The following ITGA1 variants were observed in gnomAD, a reference collection of about 807,000 sequenced individuals.
The protein encoded by ITGA1 is integrin alpha-1.
Under a neutral mutation model 145.9 loss-of-function variants are expected in ITGA1, and 85 were observed. The observed-to-expected ratio is 0.58, with a 90% CI of 0.49 to 0.70. ITGA1 has a LOEUF of 0.70. Among genes scored for constraint, ITGA1 ranks in the 30% least tolerant of loss-of-function variants. ITGA1 has a pLI of 0.00. For missense variants in ITGA1, 1,351 were observed against 1,418.7 expected, an observed-to-expected ratio of 0.95 and a Z score of 0.77; for synonymous variants, 520 against 495.3, an observed-to-expected ratio of 1.05 and a Z score of -0.66.
At chr5:52,915,712 T>C (rs1750635912) in intron 15 of ITGA1, 118 bp downstream of exon 15, 1 of 1,249,090 alleles carries the variant, frequency 8.0e-7, no homozygotes, top group Non-Finnish European at 1.1e-6. Flanking sequence ...ACTATGCAAA[T>C]ACAAGTTATT....
In ITGA1 at chr5:52,958,290, T is replaced by A. The variant is rs1411820069; in HGVS notation, c.*5839T>A. ...AAACTATTTCTCTTTTATGTCTACA[T>A]CCTTACTCCTCAAAATACTTTAAGC... On this transcript the variant is annotated 3_prime_UTR_variant, in exon 29 of 29. Coordinates refer to ENST00000282588, the MANE Select transcript of ITGA1 (RefSeq NM_181501.2). 6.6e-6 allele frequency: 1 copy of A among 152,146 alleles called. No homozygotes were observed. Among genetic ancestry groups the A allele is most frequent in the African/African-American group, 2.4e-5 (1 of 41,408 alleles). 9.4% of individuals were successfully genotyped at this position (152,146 alleles called of 1,614,324 possible).
rs2111631899 is a variant in ITGA1, at chr5:52,788,120, G to A, written c.-234G>A. 4.6e-6 allele frequency: 2 copies of A among 431,884 alleles called. No individual in the cohort carries two copies. The highest frequency in any genetic ancestry group is 3.7e-5 in the East Asian group (1 of 27,246). 26.8% of individuals were successfully genotyped at this position (431,884 alleles called of 1,614,324 possible). A position where few individuals can be genotyped will look rare whatever the true frequency, so the allele number is the denominator to read the frequency against. ...GATTTCAGAGACCAAGAGCGCGAAG[G>A]GGCGGGCGATGTGGCAATCCGTCTG... On this transcript the variant is annotated 5_prime_UTR_variant, in exon 1 of 29. Transcript: ENST00000282588.
intron 26 of ITGA1, 75 bp from the exon 27 acceptor site, chr5:52,944,868 T>C (rs1751110001): frequency 3.1e-6 from 3 of 970,564 alleles, no homozygotes; most frequent in South Asian, 3.0e-5. Flanking sequence ...CTTTTATAAA[T>C]GTCCTACTCA....
chr5:52,915,597 A>G lies in ITGA1; in HGVS notation c.1988+3A>G, dbSNP rs1027275248. On this transcript the variant is annotated splice_donor_region_variant and intron_variant, in intron 15 of 28. Coordinates refer to ENST00000282588, the MANE Select transcript of ITGA1 (RefSeq NM_181501.2). Reference sequence around the variant, plus strand: ...CTTGGTGGTGCTGCCCTCTTCTGGTATGTATTTTAATAACATCCTGTTAAT... The same window carrying G: ...CTTGGTGGTGCTGCCCTCTTCTGGTGTGTATTTTAATAACATCCTGTTAAT... The G allele has an allele frequency of 7.4e-6, 12 of 1,613,350 alleles. No individual in the cohort carries two copies. Among genetic ancestry groups the G allele is most frequent in the African/African-American group, 6.7e-5 (5 of 74,898 alleles).
At chr5:52,893,298 TG>T (rs1750178967) in intron 8 of ITGA1, among the ~76,000 whole-genome samples, 1 of 152,210 alleles carries the variant, frequency 6.6e-6, no homozygotes, top group South Asian at 2.1e-4. Flanking sequence ...TGATTGCCTT[TG>T]CCAGCAGATA....
chr5:52,862,175 G>A (rs1393383918), intron 3 of ITGA1, among the ~76,000 whole-genome samples: 3 of 141,880 alleles, frequency 2.1e-5, no homozygotes, highest in East Asian at 4.1e-4. Flanking sequence ...GCAACATCAC[G>A]CCATTGCACT....
Position 52,888,053 on chromosome 5 carries a change from A to G in ITGA1, c.924+88A>G, listed in dbSNP as rs1383006969. 8.8e-6 allele frequency: 12 copies of G among 1,358,968 alleles called. No homozygotes were observed. The East Asian group carries it at 2.6e-4, about 29-fold the overall frequency. 84.2% of individuals were successfully genotyped at this position (1,358,968 alleles called of 1,614,324 possible). A position where few individuals can be genotyped will look rare whatever the true frequency, so the allele number is the denominator to read the frequency against. On this transcript the variant is annotated intron_variant, in intron 8 of 28. Coordinates refer to ENST00000282588, the MANE Select transcript of ITGA1 (RefSeq NM_181501.2). ...GGGTAATTTTATGAAAGTCACACAA[A>G]CCAGGTTGGAAAAGAGAAAGGTCTC... is the stretch of plus-strand genomic sequence containing the variant.
intron 1 of ITGA1, among the ~76,000 whole-genome samples, chr5:52,790,189 A>G (rs778337540): frequency 1.4e-4 from 22 of 152,188 alleles, no homozygotes; most frequent in Non-Finnish European, 2.2e-4. Flanking sequence ...TCTGTCTTCA[A>G]TTTGAACCCA....
chr5:52,815,845 G>A (rs1461693068), intron 1 of ITGA1, among the ~76,000 whole-genome samples: 1 of 152,118 alleles, frequency 6.6e-6, no homozygotes, highest in Non-Finnish European at 1.5e-5. Flanking sequence ...GATTCTCTTA[G>A]AAAATAAAAT....
chr5:52,832,765 CTGTGTGTGTGTGTGTGTGTGTGTG>C (rs33977926), intron 1 of ITGA1, among the ~76,000 whole-genome samples: 55 of 86,774 alleles, frequency 6.3e-4, no homozygotes, highest in African/African-American at 1.3e-4. Flanking sequence ...ATATATAAAT[CTGTGTGTGTGTGTGTGTGTGTGTG>C]TGTGTGTGTG....
At chr5:52,937,165 TGGAGGAACAA>T (rs1372615262) in intron 23 of ITGA1, among the ~76,000 whole-genome samples, 2 of 152,082 alleles carry the variant, frequency 1.3e-5, no homozygotes, top group South Asian at 2.1e-4. Context: ...GAATGGGGGA[TGGAGGAACAA>T]TATGATTATA....
chr5:52,890,066 T>C (rs1347045189), intron 8 of ITGA1: 2 of 152,168 alleles, frequency 1.3e-5, no homozygotes, highest in Non-Finnish European at 2.9e-5. Flanking sequence ...TATCTGTGTA[T>C]TTATTTTAAT....
At chr5:52,920,744 G>A (rs1289125604) in intron 17 of ITGA1, among the ~76,000 whole-genome samples, 1 of 152,172 alleles carries the variant, frequency 6.6e-6, no homozygotes, top group Non-Finnish European at 1.5e-5. Flanking sequence ...TAGTTGACAA[G>A]AAACCTTATT....
At chr5:52,925,690 A>T (rs76949834) in intron 19 of ITGA1, among the ~76,000 whole-genome samples, 29 of 152,346 alleles carry the variant, frequency 1.9e-4, no homozygotes, top group Non-Finnish European at 3.1e-4. Flanking sequence ...GTCTTTTCTT[A>T]GATTCTGTGT....
rs761649319 is a variant in ITGA1 at position 52,908,879 on chromosome 5, G to C, written c.1456-19G>C. On this transcript the variant is annotated intron_variant, in intron 12 of 28. Transcript: ENST00000282588. ...TTTCTGTTGTTCATTGGGCTGTTTT[G>C]TTTCATTTTGTGTCCTAGATTGGTT... 2.5e-6 allele frequency: 4 copies of C among 1,611,450 alleles called. No individual in the cohort carries two copies. Among genetic ancestry groups the C allele is most frequent in the South Asian group, 2.2e-5 (2 of 90,580 alleles).
intron 2 of ITGA1, among the ~76,000 whole-genome samples, chr5:52,858,501 C>A (rs191646144): frequency 9.1e-4 from 138 of 152,288 alleles, no homozygotes; most frequent in Non-Finnish European, 1.6e-4. Flanking sequence ...ACTTTTGTAT[C>A]ATTTTATATC....
chr5:52,941,572 T>A (rs1751055050), intron 26 of ITGA1, among the ~76,000 whole-genome samples: 1 of 152,224 alleles, frequency 6.6e-6, no homozygotes, highest in Non-Finnish European at 1.5e-5. Context: ...CACCTGTATG[T>A]CATGTTTTAA....
At position 52,947,379 on chromosome 5, in the gene ITGA1, G is replaced by C; in HGVS notation, c.3413G>C (p.Gly1138Ala). 6.2e-7 allele frequency: 1 copy of C among 1,613,276 alleles called. No individual in the cohort carries two copies. Among genetic ancestry groups the C allele is most frequent in the South Asian group, 1.1e-5 (1 of 91,056 alleles). Residue 1138 changes from glycine to alanine, a missense_variant, in exon 28 of 29, where the codon GGC becomes GCC. Transcript: ENST00000282588. ...CAAATATCCAAAGATGGGCTACCGG[G>C]CAGAGTGCCATTATGGGTCATCCTG... ...AIQISKDGLP[G>A]RVPLWVILLS...
intron 6 of ITGA1, among the ~76,000 whole-genome samples, chr5:52,876,548 G>T (rs776321047): frequency 6.6e-6 from 1 of 151,742 alleles, no homozygotes; most frequent in East Asian, 1.9e-4. Flanking sequence ...CCCAGACTTC[G>T]TTGTATCTCT....
Sources: allele counts gnomAD v4.1 joint callset (sites outside exome capture counted in the v4.1 genomes callset), GRCh38; gene constraint gnomAD v4.1.1; transcripts MANE v1.5; gene names NCBI Gene and HGNC (gene_info 2026-07-23, HGNC 2026-07-21).